The following PARD3B variants were observed in gnomAD, a reference collection of about 807,000 sequenced individuals.
The protein encoded by PARD3B is partitioning defective 3 homolog B.
In PARD3B, 103 loss-of-function variants were observed where a neutral mutation model predicts 130.2. The observed-to-expected ratio is 0.79, with a 90% CI of 0.67 to 0.93. PARD3B has a LOEUF of 0.93. Ranked by LOEUF, PARD3B falls within the 40% of genes least tolerant of loss-of-function variation. PARD3B has a pLI of 0.00. For synonymous variants in PARD3B, 583 were observed against 553.2 expected (o/e 1.05, Z -0.76); for missense variants, 1,609 against 1,499.2 (o/e 1.07, Z -1.21).
At chr2:204,737,164 G>A (rs779107221) in intron 2 of PARD3B, among the ~76,000 whole-genome samples, 25 of 152,166 alleles carry the variant, frequency 1.6e-4, no homozygotes, top group Non-Finnish European at 3.2e-4. Context: ...TAGTGATGGG[G>A]TTTCTCCATG....
intron 1 of PARD3B, among the ~76,000 whole-genome samples, chr2:204,629,118 A>G (rs749687573): frequency 2.6e-4 from 39 of 152,294 alleles, no homozygotes; most frequent in African/African-American, 7.0e-4. Context: ...ACACTGTCCA[A>G]AGCTTTCACA....
At chr2:205,361,217 C>A (rs1398322137) in intron 18 of PARD3B, among the ~76,000 whole-genome samples, 1 of 152,158 alleles carries the variant, frequency 6.6e-6, no homozygotes, top group African/African-American at 2.4e-5. Flanking sequence ...GTTTTTGTAT[C>A]TGCACATTCA....
intron 2 of PARD3B, among the ~76,000 whole-genome samples, chr2:204,950,738 A>G (rs1293169456): frequency 3.9e-5 from 6 of 152,264 alleles, no homozygotes; most frequent in African/African-American, 7.2e-5. Flanking sequence ...TTTTCAGTCA[A>G]GAAATATGAA....
At chr2:205,403,527 C>G (rs559979767) in intron 19 of PARD3B, among the ~76,000 whole-genome samples, 1 of 151,114 alleles carries the variant, frequency 6.6e-6, no homozygotes, top group African/African-American at 2.5e-5. Flanking sequence ...AAAAAAAAAA[C>G]CAAATTCAAC....
chr2:205,276,567 C>T lies in PARD3B; in HGVS notation c.2186-23963C>T, dbSNP rs2040957253. ...CCTTCGGGAGCGGGAGCAGCACCCA[C>T]CATCTCACAAATGGCCCTTCTCGGC... On this transcript the variant is annotated intron_variant, in intron 16 of 22. Coordinates refer to ENST00000406610, the MANE Select transcript of PARD3B (RefSeq NM_001302769.2). This position sits in a 1 kb window ranked among gnomAD's most constrained non-coding sequence, Gnocchi z 5.0. Among the ~76,000 whole-genome samples the T allele has an allele frequency of 6.6e-6, 1 of 152,270 alleles. No individual in the cohort carries two copies. The highest frequency in any genetic ancestry group is 6.5e-5 in the Admixed American group (1 of 15,298).
chr2:204,776,655 T>A (rs1331830371), intron 2 of PARD3B, among the ~76,000 whole-genome samples: 2 of 151,920 alleles, frequency 1.3e-5, no homozygotes, highest in Non-Finnish European at 2.9e-5. Context: ...TAATAAAACT[T>A]GCCTACCGTT....
At chr2:204,894,803 T>C (rs2046584074) in intron 2 of PARD3B, among the ~76,000 whole-genome samples, 1 of 152,176 alleles carries the variant, frequency 6.6e-6, no homozygotes, top group Admixed American at 6.5e-5. Flanking sequence ...AATATATGTT[T>C]ATAGATGACA....
At position 205,128,501 on chromosome 2, in the gene PARD3B, C is replaced by G. The variant is rs1312741514; in HGVS notation, c.1434+2764C>G. 1.3e-5 allele frequency among the ~76,000 whole-genome samples: 2 copies of G among 152,208 alleles called. No homozygotes were observed. The highest frequency in any genetic ancestry group is 2.9e-5 in the Non-Finnish European group (2 of 68,034). Reference sequence around the variant, plus strand: ...CTGGAGTTCACATCCCAGAATTCAACTTCTGTATCCACCACTTACTAGCTG... The same window carrying G: ...CTGGAGTTCACATCCCAGAATTCAAGTTCTGTATCCACCACTTACTAGCTG... On this transcript the variant is annotated intron_variant, in intron 10 of 22. Coordinates refer to ENST00000406610, the MANE Select transcript of PARD3B (RefSeq NM_001302769.2). The surrounding 1 kb of genome is among the most constrained non-coding windows in gnomAD (Gnocchi z 4.5).
In PARD3B at chr2:205,530,588, C is replaced by T. The variant is rs751125577; in HGVS notation, c.3181-22736C>T. 2.0e-5 allele frequency among the ~76,000 whole-genome samples: 3 copies of T among 152,144 alleles called. No individual in the cohort carries two copies. Among genetic ancestry groups the T allele is most frequent in the Non-Finnish European group, 4.4e-5 (3 of 68,028 alleles). ...ACAACTGCCAGAGATTTGCCCTCTT[C>T]GGGTAACACCCTTCCATCCTGAGGA... is the stretch of plus-strand genomic sequence containing the variant. On this transcript the variant is annotated intron_variant, in intron 21 of 22. Coordinates refer to ENST00000406610, the MANE Select transcript of PARD3B (RefSeq NM_001302769.2). The surrounding 1 kb of genome is among the most constrained non-coding windows in gnomAD (Gnocchi z 4.7).
At chr2:204,814,295 G>A (rs972301401) in intron 2 of PARD3B, among the ~76,000 whole-genome samples, 2 of 150,498 alleles carry the variant, frequency 1.3e-5, no homozygotes, top group Admixed American at 6.6e-5. Context: ...GATTTTTTTC[G>A]TATTGACCTT....
intron 18 of PARD3B, among the ~76,000 whole-genome samples, chr2:205,316,374 A>T (rs1008025212): frequency 1.3e-5 from 2 of 152,152 alleles, no homozygotes; most frequent in Non-Finnish European, 2.9e-5. Flanking sequence ...AAAAGAAGAC[A>T]GTTCTTAAGC....
chr2:205,521,743 CGTTTGTTTTTTT>C (rs1375789012), intron 21 of PARD3B, among the ~76,000 whole-genome samples: 1 of 151,866 alleles, frequency 6.6e-6, no homozygotes, highest in Non-Finnish European at 1.5e-5. Flanking sequence ...TTGATAAGTA[CGTTTGTTTTTTT>C]GTTTGTTTGT....
rs764580615 is a variant in PARD3B at position 205,172,342 on chromosome 2, C to T, written c.1752C>T (p.Ile584=). ...MSMEGNIRGM[I]QLVILRRPER... The stretch of plus-strand genomic sequence containing the variant: ...TGGAGGGAAACATCCGAGGGATGAT[C>T]CAGTTGGTGATTCTGAGGAGGCCAG... The change falls in exon 12 of 23, where the codon ATC becomes ATT. Residue 584 remains isoleucine (I), a synonymous_variant. Coordinates refer to ENST00000406610, the MANE Select transcript of PARD3B (RefSeq NM_001302769.2). 1 of 1,614,092 alleles carries T rather than the reference C, an allele frequency of 6.2e-7. No homozygotes were observed. Among genetic ancestry groups the T allele is most frequent in the East Asian group, 2.2e-5 (1 of 44,874 alleles).
intron 1 of PARD3B, among the ~76,000 whole-genome samples, chr2:204,573,674 T>G (rs1408290173): frequency 6.6e-6 from 1 of 152,226 alleles, no homozygotes; most frequent in East Asian, 1.9e-4. Context: ...TGGTATACCA[T>G]CAGAGTGTCC....
chr2:204,663,481 C>T (rs1254915966), intron 1 of PARD3B, among the ~76,000 whole-genome samples: 3 of 152,112 alleles, frequency 2.0e-5, no homozygotes, highest in Non-Finnish European at 4.4e-5. Context: ...TGATTTTTAC[C>T]AGATAAAGGA....
chr2:205,189,968 C>T (rs995876429), intron 14 of PARD3B, among the ~76,000 whole-genome samples: 1 of 152,112 alleles, frequency 6.6e-6, no homozygotes, highest in African/African-American at 2.4e-5. Context: ...ATGTAGATAT[C>T]TCATTATGAT....
chr2:205,383,609 T>C (rs1400198234), intron 18 of PARD3B, among the ~76,000 whole-genome samples: 5 of 152,114 alleles, frequency 3.3e-5, no homozygotes, highest in African/African-American at 1.2e-4. Context: ...TTGATTGTTT[T>C]AATGTACATA....
chr2:204,554,759 A>G (rs1050759812), intron 1 of PARD3B, among the ~76,000 whole-genome samples: 2 of 152,014 alleles, frequency 1.3e-5, no homozygotes, highest in African/African-American at 2.4e-5. Flanking sequence ...AATGGTGCAC[A>G]TCTCTCCTAA....
chr2:204,675,271 G>T lies in PARD3B; in HGVS notation c.121-10910G>T, dbSNP rs550867545. Among the ~76,000 whole-genome samples, 18 of 151,996 alleles carry T rather than the reference G, an allele frequency of 1.2e-4. No individual in the cohort carries two copies. The East Asian group carries it at 3.5e-3, about 29-fold the overall frequency. ...TCATACTGAGAATTGTTTTTAAATGGATTAAATCCATTTAATCTGCTTAAG... is the reference window on the plus strand; with the variant it reads ...TCATACTGAGAATTGTTTTTAAATGTATTAAATCCATTTAATCTGCTTAAG... On this transcript the variant is annotated intron_variant, in intron 1 of 22. Transcript: ENST00000406610. This position sits in a 1 kb window ranked among gnomAD's most constrained non-coding sequence, Gnocchi z 4.4.
Sources: gnomAD v4.1 joint callset for allele counts (sites outside exome capture counted in the v4.1 genomes callset) on GRCh38, gnomAD v4.1.1 for gene constraint, Gnocchi (gnomAD v3.1) non-coding constraint, MANE v1.5 for transcripts, NCBI Gene and HGNC (gene_info 2026-07-23, HGNC 2026-07-21) for gene names.